TMPRSS11A: variants seen among roughly 807,000 people sequenced by gnomAD.
The protein encoded by TMPRSS11A is transmembrane serine protease 11A, also known as transmembrane protease serine 11A.
TMPRSS11A carries 53 observed loss-of-function variants against 58.9 expected under a neutral mutation model. The observed-to-expected ratio is 0.90, with a 90% CI of 0.72 to 1.13. The LOEUF (loss-of-function observed/expected upper bound fraction) is 1.13. Among genes scored for constraint, TMPRSS11A ranks in the 50% most tolerant of loss-of-function variants. The pLI is 0.00. For synonymous variants in TMPRSS11A, 167 were observed against 169.8 expected (o/e 0.98, Z 0.13); for missense variants, 493 against 499.3 (o/e 0.99, Z 0.12).
intron 9 of TMPRSS11A, among the ~76,000 whole-genome samples, chr4:67,914,266 C>G (rs1720085521): frequency 6.6e-6 from 1 of 152,098 alleles, no homozygotes; most frequent in Non-Finnish European, 1.5e-5. Flanking sequence ...TTATATTATT[C>G]ATAACATCAC....
chr4:67,955,516 T>C (rs1721266336), intron 1 of TMPRSS11A, among the ~76,000 whole-genome samples: 1 of 152,234 alleles, frequency 6.6e-6, no homozygotes, highest in South Asian at 2.1e-4. Flanking sequence ...TTCAAATGCC[T>C]GTGTCAGGGT....
intron 9 of TMPRSS11A, among the ~76,000 whole-genome samples, chr4:67,913,491 G>A (rs1352036245): frequency 6.6e-6 from 1 of 152,168 alleles, no homozygotes; most frequent in Admixed American, 6.5e-5. Flanking sequence ...CAGTTAGGCA[G>A]CAAGTTTACC....
chr4:67,961,657 C>G (rs1721433291), intron 1 of TMPRSS11A, among the ~76,000 whole-genome samples: 3 of 151,838 alleles, frequency 2.0e-5, no homozygotes, highest in Admixed American at 1.3e-4. Context: ...CCTACAGGTG[C>G]ATGCGCCACC....
At chr4:67,934,067 G>A (rs949253414) in intron 3 of TMPRSS11A, among the ~76,000 whole-genome samples, 1 of 152,092 alleles carries the variant, frequency 6.6e-6, no homozygotes, top group African/African-American at 2.4e-5. Context: ...AACATGAGAA[G>A]AATCTAGGCA....
rs757543062 is a variant in TMPRSS11A at position 67,963,384 on chromosome 4, G to C, written c.10C>G (p.Arg4Gly). Residue 4 changes from arginine (R) to glycine (G), a missense_variant and splice_region_variant, in exon 1 of 10, where the codon CGG (arginine) becomes GGG (glycine). By Grantham distance (125) the Arg-to-Gly change is moderately radical (BLOSUM62 -2). Transcript: ENST00000508048. ...TCTATAAAACAGAACTGAACTTACC[G>C]ATACATCATGTACAGGAGGAAGAAT... MMY[R>G]TVGFGTRSRN... The C allele has an allele frequency of 1.2e-6, 2 of 1,613,588 alleles. No individual in the cohort carries two copies. Among genetic ancestry groups the C allele is most frequent in the South Asian group, 2.2e-5 (2 of 91,016 alleles).
chr4:67,931,904 A>G (rs968621467), intron 4 of TMPRSS11A, 89 bp downstream of exon 4: 10 of 792,530 alleles, frequency 1.3e-5, no homozygotes, highest in Non-Finnish European at 1.7e-5. Flanking sequence ...AGCCTAGTCC[A>G]TGGAGACATA....
At chr4:67,934,691 T>C (rs1720708138) in intron 3 of TMPRSS11A, among the ~76,000 whole-genome samples, 1 of 152,096 alleles carries the variant, frequency 6.6e-6, no homozygotes, top group African/African-American at 2.4e-5. Flanking sequence ...AAGAGGGCAA[T>C]TGAAGGTTAG....
At chr4:67,953,016 G>T (rs1394044114) in intron 1 of TMPRSS11A, among the ~76,000 whole-genome samples, 1 of 152,140 alleles carries the variant, frequency 6.6e-6, no homozygotes, top group Non-Finnish European at 1.5e-5. Flanking sequence ...TAATGAAATT[G>T]TTCCACCTCA....
chr4:67,922,410 CA>C (rs1300836125), intron 7 of TMPRSS11A, among the ~76,000 whole-genome samples: 3 of 152,144 alleles, frequency 2.0e-5, no homozygotes, highest in Admixed American at 1.3e-4. Context: ...CAGAAACAGA[CA>C]CTAGTTTTAA....
At chr4:67,924,008 A>C in intron 6 of TMPRSS11A, 120 bp downstream of exon 6, 1 of 862,418 alleles carries the variant, frequency 1.2e-6, no homozygotes. Flanking sequence ...TCTATCGTAC[A>C]AATAGTTATT....
At chr4:67,939,277 C>T (rs547190172) in intron 3 of TMPRSS11A, among the ~76,000 whole-genome samples, 11 of 152,232 alleles carry the variant, frequency 7.2e-5, no homozygotes, top group Non-Finnish European at 1.5e-4. Context: ...TATCCTGAAA[C>T]TTTACTGAAG....
At chr4:67,952,174 T>A (rs971567060) in intron 1 of TMPRSS11A, among the ~76,000 whole-genome samples, 1 of 152,232 alleles carries the variant, frequency 6.6e-6, no homozygotes, top group Non-Finnish European at 1.5e-5. Context: ...GTCAGCAGAA[T>A]TATTTGTCAT....
intron 1 of TMPRSS11A, among the ~76,000 whole-genome samples, chr4:67,955,437 A>C (rs1388079678): frequency 2.0e-5 from 3 of 152,176 alleles, no homozygotes; most frequent in Non-Finnish European, 2.9e-5. Context: ...TTTGTACGAT[A>C]TGGTATCAGG....
chr4:67,955,575 A>C (rs1224323741), intron 1 of TMPRSS11A, among the ~76,000 whole-genome samples: 1 of 152,170 alleles, frequency 6.6e-6, no homozygotes. Context: ...TGAATTTACC[A>C]GCCATTACAA....
chr4:67,918,260 G>T lies in TMPRSS11A; in HGVS notation c.952+713C>A, dbSNP rs538599677. On this transcript the variant is annotated intron_variant, in intron 8 of 9. Transcript: ENST00000508048. The stretch of plus-strand genomic sequence containing the variant: ...TGGACCACATGGTAGAATCCAGAGC[G>T]TGTCTCACTAAGATTGCCTAGAACA... Among the ~76,000 whole-genome samples the T allele has an allele frequency of 2.6e-3, 397 of 152,260 alleles. 2 individuals carry two copies. Among genetic ancestry groups the T allele is most frequent in the African/African-American group, 8.9e-3 (371 of 41,548 alleles).
At chr4:67,918,889 G>T (rs1273380667) in intron 8 of TMPRSS11A, 84 bp downstream of exon 8, 2 of 1,467,812 alleles carry the variant, frequency 1.4e-6, no homozygotes, top group Non-Finnish European at 9.4e-7. Flanking sequence ...TGTGGAAATG[G>T]CTGTCAGGAT....
intron 1 of TMPRSS11A, among the ~76,000 whole-genome samples, chr4:67,961,511 T>TTTTTTTTC (rs1721427043): frequency 1.4e-5 from 1 of 72,388 alleles, no homozygotes; most frequent in African/African-American, 7.6e-5. Context: ...TTTTTTTTTT[T>TTTTTTTTC]TTTTTTTTTT....
chr4:67,960,576 G>C (rs911650292), intron 1 of TMPRSS11A, among the ~76,000 whole-genome samples: 4 of 152,144 alleles, frequency 2.6e-5, no homozygotes, highest in Non-Finnish European at 5.9e-5. Context: ...TAAGCACTAT[G>C]AGTTTGCTGA....
At chr4:67,946,981 T>C (rs538078532) in intron 1 of TMPRSS11A, among the ~76,000 whole-genome samples, 60 of 152,256 alleles carry the variant, frequency 3.9e-4, no homozygotes, top group Admixed American at 6.5e-4. Context: ...TGTCTTTTAT[T>C]TTTAAGTATT....
Sources: gnomAD v4.1 joint callset for allele counts (sites outside exome capture counted in the v4.1 genomes callset) on GRCh38, gnomAD v4.1.1 for gene constraint, MANE v1.5 for transcripts, NCBI Gene and HGNC (gene_info 2026-07-23, HGNC 2026-07-21) for gene names.